OSBPL11: variants seen among roughly 807,000 people sequenced by gnomAD.
OSBPL11 encodes oxysterol binding protein like 11.
A neutral mutation model predicts 84.4 loss-of-function variants in OSBPL11; 33 were observed. The ratio of observed to expected loss-of-function variants is 0.39; its 90% CI spans 0.30 to 0.52. The LOEUF is 0.52. Ranked by LOEUF, OSBPL11 falls within the 20% of genes least tolerant of loss-of-function variation. The pLI is 0.72. For synonymous variants in OSBPL11, 276 were observed against 310.2 expected, an observed-to-expected ratio of 0.89 and a Z score of 1.16; for missense variants, 736 against 901.1, an observed-to-expected ratio of 0.82 and a Z score of 2.35.
chr3:125,569,721 T>C (rs1936215281), intron 5 of OSBPL11, among the ~76,000 whole-genome samples: 1 of 152,226 alleles, frequency 6.6e-6, no homozygotes, highest in Admixed American at 6.5e-5. Flanking sequence ...AGCATAAGCA[T>C]ACAGTGAATA....
Position 125,584,201 on chromosome 3 carries a change from C to CA in OSBPL11, c.165-1224dup, listed in dbSNP as rs754656153. 8.6e-5 allele frequency among the ~76,000 whole-genome samples: 13 copies of CA among 152,040 alleles called. No homozygotes were observed. The South Asian group carries it at 1.5e-3, about 17-fold the overall frequency. On this transcript the variant is annotated intron_variant, in intron 1 of 12. Coordinates refer to ENST00000296220, the MANE Select transcript of OSBPL11 (RefSeq NM_022776.5). ...CCAACATGGTGAAACCCCATCTCAA[C>CA]AAAAAATACAAAAAATTAGCCAGGT...
intron 5 of OSBPL11, among the ~76,000 whole-genome samples, chr3:125,572,622 C>G (rs528122108): frequency 6.6e-6 from 1 of 151,928 alleles, no homozygotes; most frequent in Non-Finnish European, 1.5e-5. Flanking sequence ...TTCCCCTGCA[C>G]AAGTTTTCTC....
chr3:125,535,842 A>G (rs1362720539), intron 11 of OSBPL11, among the ~76,000 whole-genome samples: 1 of 151,816 alleles, frequency 6.6e-6, no homozygotes, highest in Non-Finnish European at 1.5e-5. Context: ...TATATATAGG[A>G]AAAATCTGGG....
At chr3:125,583,567 T>TTC (rs1007655811) in intron 1 of OSBPL11, among the ~76,000 whole-genome samples, 9 of 111,870 alleles carry the variant, frequency 8.0e-5, no homozygotes, top group Admixed American at 2.8e-4. Flanking sequence ...GGCAACAGAG[T>TTC]GAGACTCCGT....
Position 125,581,397 on chromosome 3 carries a change from T to C in OSBPL11, c.234-1357A>G, listed in dbSNP as rs541731151. ...GTGAGTCACCTCATCTGGCCCCTTT[T>C]TAAAAAAGGAACGCTAGGCCAGACA... is the stretch of plus-strand genomic sequence containing the variant. On this transcript the variant is annotated intron_variant, in intron 2 of 12. Transcript: ENST00000296220. Among the ~76,000 whole-genome samples, 13 of 150,574 alleles carry C rather than the reference T, an allele frequency of 8.6e-5. No individual in the cohort carries two copies. The East Asian group carries it at 2.7e-3, about 31-fold the overall frequency.
At chr3:125,541,112 T>G (rs1327903420) in intron 10 of OSBPL11, among the ~76,000 whole-genome samples, 1 of 152,176 alleles carries the variant, frequency 6.6e-6, no homozygotes, top group Non-Finnish European at 1.5e-5. Context: ...TCCAATAAAA[T>G]TTAATTTACA....
At chr3:125,532,080 C>A in intron 11 of OSBPL11, 66 bp from the exon 12 acceptor site, 2 of 1,445,964 alleles carry the variant, frequency 1.4e-6, no homozygotes, top group South Asian at 1.4e-5. Flanking sequence ...AGAATCAATA[C>A]CCTCAAAATT....
intron 1 of OSBPL11, among the ~76,000 whole-genome samples, chr3:125,589,726 T>G (rs1422245607): frequency 3.3e-5 from 5 of 152,182 alleles, no homozygotes; most frequent in Non-Finnish European, 5.9e-5. Context: ...GCCAATCTCA[T>G]TTTCCCATCC....
intron 6 of OSBPL11, among the ~76,000 whole-genome samples, chr3:125,564,128 T>C (rs1231470608): frequency 1.3e-5 from 2 of 152,246 alleles, no homozygotes; most frequent in Admixed American, 6.5e-5. Flanking sequence ...ACGAAGTATA[T>C]TCCCAACCTA....
Position 125,531,917 on chromosome 3 carries a change from C to G in OSBPL11, c.2122G>C (p.Glu708Gln). The change falls in exon 12 of 13, where the codon GAA (glutamate) becomes CAA (glutamine). Residue 708 changes from glutamate to glutamine, a missense_variant. Physicochemically the swap from Glu to Gln is conservative, Grantham distance 29. Coordinates refer to ENST00000296220, the MANE Select transcript of OSBPL11 (RefSeq NM_022776.5). ...HTLEERQRTE[E>Q]RHRTETGTPW... Reference sequence around the variant, plus strand: ...GTGCCTGTTTCAGTACGATGCCTTTCTTCAGTCCTCTGACGTTCTTCCAGG... The same window carrying G: ...GTGCCTGTTTCAGTACGATGCCTTTGTTCAGTCCTCTGACGTTCTTCCAGG... 1.9e-6 allele frequency: 3 copies of G among 1,614,066 alleles called. No individual in the cohort carries two copies. Among genetic ancestry groups the G allele is most frequent in the Non-Finnish European group, 2.5e-6 (3 of 1,180,000 alleles).
chr3:125,563,875 C>T, intron 6 of OSBPL11, 32 bp from the exon 7 acceptor site: 2 of 1,607,550 alleles, frequency 1.2e-6, no homozygotes, highest in Non-Finnish European at 1.7e-6. Context: ...TTCGCTGAAA[C>T]TTGCTCATAA....
intron 11 of OSBPL11, among the ~76,000 whole-genome samples, chr3:125,536,472 C>T (rs184718200): frequency 8.5e-4 from 129 of 152,220 alleles, no homozygotes; most frequent in African/African-American, 2.9e-3. Context: ...TAAAAAATCA[C>T]GTTCAATAAT....
chr3:125,536,791 T>A (rs1935645358), intron 11 of OSBPL11, among the ~76,000 whole-genome samples: 1 of 152,210 alleles, frequency 6.6e-6, no homozygotes, highest in African/African-American at 2.4e-5. Flanking sequence ...TTCCTCCAGA[T>A]AACTACTATA....
chr3:125,553,860 A>C (rs1935952375), intron 8 of OSBPL11, among the ~76,000 whole-genome samples: 1 of 152,228 alleles, frequency 6.6e-6, no homozygotes, highest in South Asian at 2.1e-4. Flanking sequence ...CTTTCTGTCG[A>C]AATTCCACTG....
intron 12 of OSBPL11, among the ~76,000 whole-genome samples, chr3:125,531,003 A>G (rs2107584306): frequency 6.6e-6 from 1 of 151,352 alleles, no homozygotes; most frequent in Middle Eastern, 3.4e-3. Context: ...TTCCCCCAAG[A>G]CGGAGTCTTG....
In OSBPL11 at chr3:125,535,439, CTTTTT is replaced by C. The variant is rs763678488; in HGVS notation, c.2024+3007_2024+3011del. Reference sequence around the variant, plus strand: ...TTTAGCAAATAAAATTCAGAAGCATCTTTTTTTTTTTTTTTTTTTTTTTTGAGACA... The same window carrying C: ...TTTAGCAAATAAAATTCAGAAGCATCTTTTTTTTTTTTTTTTTTTGAGACA... On this transcript the variant is annotated intron_variant, in intron 11 of 12. Transcript: ENST00000296220. Among the ~76,000 whole-genome samples the C allele has an allele frequency of 9.5e-5, 8 of 84,294 alleles. 1 individual carries two copies. Among genetic ancestry groups the C allele is most frequent in the South Asian group, 8.7e-4 (2 of 2,286 alleles). The allele number at this position is 84,294 out of a possible 152,430, so 55.3% of individuals were successfully genotyped here.
At chr3:125,587,826 C>A (rs1580066625) in intron 1 of OSBPL11, among the ~76,000 whole-genome samples, 1 of 152,184 alleles carries the variant, frequency 6.6e-6, no homozygotes, top group East Asian at 1.9e-4. Context: ...GTAATCCCAG[C>A]TACTCAGGAC....
At chr3:125,579,801 T>C in intron 3 of OSBPL11, 64 bp downstream of exon 3, 2 of 1,472,462 alleles carry the variant, frequency 1.4e-6, no homozygotes, top group Non-Finnish European at 1.9e-6. Context: ...TGAAAGCATG[T>C]AAGACACCAA....
chr3:125,572,394 A>T (rs917257398), intron 5 of OSBPL11, among the ~76,000 whole-genome samples: 1 of 152,156 alleles, frequency 6.6e-6, no homozygotes, highest in Admixed American at 6.6e-5. Context: ...TTGGGAAGGC[A>T]TGATTAGTTT....
Sources: allele counts gnomAD v4.1 joint callset (sites outside exome capture counted in the v4.1 genomes callset), GRCh38; gene constraint gnomAD v4.1.1; transcripts MANE v1.5; gene names NCBI Gene and HGNC (gene_info 2026-07-23, HGNC 2026-07-21).